The following COL18A1 variants were observed in gnomAD, a reference collection of about 807,000 sequenced individuals.
COL18A1 encodes collagen type XVIII alpha 1 chain, also known as collagen alpha-1(XVIII) chain.
A neutral mutation model predicts 168.0 loss-of-function variants in COL18A1; 133 were observed. The ratio of observed to expected loss-of-function variants is 0.79; its 90% CI spans 0.69 to 0.91. The LOEUF (loss-of-function observed/expected upper bound fraction) is 0.91, where lower values mean the gene tolerates loss of function less well. Ranked by LOEUF, COL18A1 falls within the 40% of genes least tolerant of loss-of-function variation. The pLI is 0.00. For missense variants in COL18A1, 2,126 were observed against 1,925.4 expected, an observed-to-expected ratio of 1.10 and a Z score of -1.95; for synonymous variants, 949 against 809.0, an observed-to-expected ratio of 1.17 and a Z score of -2.94.
At chr21:45,422,435 A>T (rs2033655431) in intron 2 of COL18A1, 2 of 530,350 alleles carry the variant, frequency 3.8e-6, no homozygotes, top group Admixed American at 2.0e-5. Flanking sequence ...TTTTGAAGGG[A>T]TGGGAGGCTC....
intron 2 of COL18A1, among the ~76,000 whole-genome samples, chr21:45,458,041 G>A (rs529181921): frequency 0.011 from 1,611 of 148,136 alleles, 11 homozygotes; most frequent in Non-Finnish European, 0.016. Flanking sequence ...GACAGGGCAG[G>A]GACAAGTGCT....
intron 18 of COL18A1, among the ~76,000 whole-genome samples, chr21:45,489,129 C>T (rs572208758): frequency 1.2e-3 from 181 of 152,374 alleles, no homozygotes; most frequent in African/African-American, 4.0e-3. Context: ...GCTTTGCTTT[C>T]ATTTGCAAGA....
At chr21:45,508,630 G>A (rs2037393478) in intron 38 of COL18A1, among the ~76,000 whole-genome samples, 1 of 152,208 alleles carries the variant, frequency 6.6e-6, no homozygotes, top group South Asian at 2.1e-4. Flanking sequence ...ATTGGCTCAG[G>A]AGTGAGGCCT....
chr21:45,420,044 C>T (rs1220456560), intron 2 of COL18A1: 4 of 152,250 alleles, frequency 2.6e-5, no homozygotes, highest in African/African-American at 9.6e-5. Flanking sequence ...AGATAAATAC[C>T]AGGACCAGAC....
At position 45,457,894 on chromosome 21, in the gene COL18A1, C is replaced by T. The variant is rs2034895464; in HGVS notation, c.107-10348C>T. 6.6e-6 allele frequency among the ~76,000 whole-genome samples: 1 copy of T among 152,094 alleles called. No individual in the cohort carries two copies. Among genetic ancestry groups the T allele is most frequent in the Admixed American group, 6.5e-5 (1 of 15,284 alleles). On this transcript the variant is annotated intron_variant, in intron 2 of 41. Transcript: ENST00000651438. This position sits in a 1 kb window ranked among gnomAD's most constrained non-coding sequence, Gnocchi z 4.6. ...CCTGCAGTGGAAATTCTGGTGGACGCCCACCCACCAGGCTCCGTGAGGGAT... is the reference window on the plus strand; with the variant it reads ...CCTGCAGTGGAAATTCTGGTGGACGTCCACCCACCAGGCTCCGTGAGGGAT...
intron 2 of COL18A1, chr21:45,467,485 G>C (rs977841055): frequency 7.3e-6 from 7 of 957,536 alleles, no homozygotes; most frequent in Non-Finnish European, 8.7e-6. Flanking sequence ...AGCATGGGGG[G>C]GATGGGGAGA....
intron 2 of COL18A1, chr21:45,407,637 T>G (rs566928756): frequency 6.6e-6 from 1 of 152,422 alleles, no homozygotes; most frequent in East Asian, 1.9e-4. Flanking sequence ...AAGAGGACTG[T>G]GTCACCGGGG....
Position 45,456,299 on chromosome 21 carries a change from G to A in COL18A1, c.107-11943G>A, listed in dbSNP as rs542947545. 2.1e-4 allele frequency: 320 copies of A among 1,557,286 alleles called. 3 individuals are homozygous for A. The East Asian group carries it at 6.5e-3, about 32-fold the overall frequency. On this transcript the variant is annotated intron_variant, in intron 2 of 41. Coordinates refer to ENST00000651438, the MANE Select transcript of COL18A1 (RefSeq NM_001379500.1). ...CAGCCAGCAGCTCCAACGCCCTGAC[G>A]TCCGCCTGCGCACGCCACTTCTGCA... is the stretch of plus-strand genomic sequence containing the variant.
At chr21:45,511,664 G>A (rs969455407) in intron 41 of COL18A1, among the ~76,000 whole-genome samples, 1 of 152,072 alleles carries the variant, frequency 6.6e-6, no homozygotes, top group Non-Finnish European at 1.5e-5. Context: ...ATGTCGCTGT[G>A]CCCTCCCCAC....
Position 45,468,597 on chromosome 21 carries a change from G to T in COL18A1, c.462G>T (p.Arg154=). 6.2e-7 allele frequency: 1 copy of T among 1,613,672 alleles called. No homozygotes were observed. Among genetic ancestry groups the T allele is most frequent in the Non-Finnish European group, 8.5e-7 (1 of 1,180,010 alleles). The change falls in exon 3 of 42, where the codon CGG becomes CGT. Residue 154 remains arginine (R), a synonymous_variant. Coordinates refer to ENST00000651438, the MANE Select transcript of COL18A1 (RefSeq NM_001379500.1). ...AGACCCACACAGCCGCCAGCTTCCG[G>T]CTCCCCGCCTTCGTCGGCCAGTGGA... ...AGQTHTAASF[R]LPAFVGQWTH... is the part of the protein sequence containing the mutation.
chr21:45,440,731 G>T (rs1000409786), intron 2 of COL18A1, among the ~76,000 whole-genome samples: 2 of 152,214 alleles, frequency 1.3e-5, no homozygotes, highest in Admixed American at 1.3e-4. Context: ...GTCAGGGCCT[G>T]CGGGGGTTTA....
intron 14 of COL18A1, chr21:45,482,466 G>A (rs12482373): frequency 0.21 from 116,899 of 557,874 alleles, 12,732 homozygotes; most frequent in Middle Eastern, 0.27. Context: ...CTGAGCAGGG[G>A]ACGCGGGCTG....
rs539944051 is a variant in COL18A1, at chr21:45,497,628, G to A, written c.2650G>A (p.Ala884Thr). ...GNQGPPGPKG[A>T]KGEVGPPGPP... ...TCAGGGCCCTCCAGGACCCAAGGGC[G>A]CCAAAGGAGAAGTGGGCCCCCCCGG... is the stretch of plus-strand genomic sequence containing the variant. Residue 884 changes from alanine (A) to threonine (T), a missense_variant, in exon 32 of 42, where the codon GCC (alanine) becomes ACC (threonine). Coordinates refer to ENST00000651438, the MANE Select transcript of COL18A1 (RefSeq NM_001379500.1). The A allele has an allele frequency of 4.1e-5, 64 of 1,569,494 alleles. No homozygotes were observed. The highest frequency in any genetic ancestry group is 3.5e-4 in the South Asian group (30 of 85,612).
chr21:45,452,911 A>G (rs544755454), intron 2 of COL18A1, among the ~76,000 whole-genome samples: 99 of 151,282 alleles, frequency 6.5e-4, no homozygotes, highest in Admixed American at 1.8e-3. Context: ...ATGTATGTAC[A>G]TGTGTGTGAG....
At chr21:45,495,756 A>T (rs780798110) in intron 29 of COL18A1, 1 of 382,660 alleles carries the variant, frequency 2.6e-6, no homozygotes, top group Non-Finnish European at 5.1e-6. Context: ...GTGTGTACAC[A>T]TGCCCATACA....
intron 35 of COL18A1, 30 bp downstream of exon 35, chr21:45,505,308 G>A (rs753531207): frequency 2.7e-5 from 44 of 1,604,310 alleles, no homozygotes; most frequent in Non-Finnish European, 3.7e-5. Context: ...GCCCCGGGCA[G>A]AGGCCGCCTC....
At position 45,442,682 on chromosome 21, in the gene COL18A1, C is replaced by T. The variant is rs1254222026; in HGVS notation, c.107-25560C>T. ...GTGTGGGCGGCGGTCCTGGTGTGGG[C>T]GGTGGTGGTGCTGGTGTGGGCGGAG... On this transcript the variant is annotated intron_variant, in intron 2 of 41. Transcript: ENST00000651438. Among the ~76,000 whole-genome samples, 261 of 81,516 alleles carry T rather than the reference C, an allele frequency of 3.2e-3. 1 individual carries two copies. The highest frequency in any genetic ancestry group is 0.014 in the African/African-American group (243 of 17,254). The allele number at this position is 81,516 out of a possible 152,430, so 53.5% of individuals were successfully genotyped here.
At chr21:45,434,817 G>C (rs1231314063) in intron 2 of COL18A1, among the ~76,000 whole-genome samples, 1 of 152,226 alleles carries the variant, frequency 6.6e-6, no homozygotes, top group Non-Finnish European at 1.5e-5. Flanking sequence ...TTCCCGGAAA[G>C]GGGCATCGCT....
chr21:45,466,597 C>T (rs942873726), intron 2 of COL18A1, among the ~76,000 whole-genome samples: 2 of 152,240 alleles, frequency 1.3e-5, no homozygotes, highest in African/African-American at 4.8e-5. Flanking sequence ...CTGCGCCATT[C>T]TCTGCCCATC....
Sources: allele counts gnomAD v4.1 joint callset (sites outside exome capture counted in the v4.1 genomes callset), GRCh38; gene constraint gnomAD v4.1.1; non-coding constraint Gnocchi (gnomAD v3.1); transcripts MANE v1.5; gene names NCBI Gene and HGNC (gene_info 2026-07-23, HGNC 2026-07-21).